Variants in KIRREL3 observed in about 807,000 individuals in gnomAD.
The protein encoded by KIRREL3 is kin of IRRE-like protein 3.
KIRREL3 carries 36 observed loss-of-function variants against 89.7 expected under a neutral mutation model. The observed-to-expected ratio is 0.40, with a 90% CI of 0.31 to 0.53. KIRREL3 has a LOEUF of 0.53. KIRREL3 is among the 20% of genes least tolerant of loss of function. KIRREL3 has a pLI of 0.49. For missense variants in KIRREL3, 864 were observed against 1,056.6 expected (o/e 0.82, Z 2.53); for synonymous variants, 445 against 441.4 (o/e 1.01, Z -0.10).
rs553043924 is a variant in KIRREL3, at chr11:126,564,344, C to T, written c.56-1432G>A. Reference sequence around the variant, plus strand: ...TAGCAGGATGAAAGAGAGTGCAGGGCCCATGAGACACAGATAAGTCAAGCT... The same window carrying T: ...TAGCAGGATGAAAGAGAGTGCAGGGTCCATGAGACACAGATAAGTCAAGCT... On this transcript the variant is annotated intron_variant, in intron 1 of 16. Transcript: ENST00000525144. This position sits in a 1 kb window ranked among gnomAD's most constrained non-coding sequence, Gnocchi z 7.4. 2.0e-5 allele frequency among the ~76,000 whole-genome samples: 3 copies of T among 152,296 alleles called. No homozygotes were observed. Among genetic ancestry groups the T allele is most frequent in the African/African-American group, 4.8e-5 (2 of 41,568 alleles).
At chr11:126,497,131 T>TGA (rs1555124144) in intron 4 of KIRREL3, among the ~76,000 whole-genome samples, 2 of 151,176 alleles carry the variant, frequency 1.3e-5, no homozygotes, top group South Asian at 2.1e-4. Flanking sequence ...TGTGTGTGTG[T>TGA]GACAGAGAGA....
At chr11:126,881,429 C>T (rs1252971449) in intron 1 of KIRREL3, among the ~76,000 whole-genome samples, 2 of 152,130 alleles carry the variant, frequency 1.3e-5, no homozygotes, top group Non-Finnish European at 2.9e-5. Flanking sequence ...AATCAGTCAG[C>T]GTCAAGCCCT....
chr11:126,766,839 C>G lies in KIRREL3; in HGVS notation c.56-203927G>C, dbSNP rs2134284186. On this transcript the variant is annotated intron_variant, in intron 1 of 16. Transcript: ENST00000525144. The surrounding 1 kb of genome is among the most constrained non-coding windows in gnomAD (Gnocchi z 4.2). ...TGCTTACAGTAATTAGTTCCTAGGGCTCCCTTGTGGAGGTAAGAGAAAGAG... is the reference window on the plus strand; with the variant it reads ...TGCTTACAGTAATTAGTTCCTAGGGGTCCCTTGTGGAGGTAAGAGAAAGAG... Among the ~76,000 whole-genome samples, 1 of 152,302 alleles carries G rather than the reference C, an allele frequency of 6.6e-6. No homozygotes were observed. Among genetic ancestry groups the G allele is most frequent in the South Asian group, 2.1e-4 (1 of 4,824 alleles).
At chr11:126,692,334 C>G (rs1458189934) in intron 1 of KIRREL3, among the ~76,000 whole-genome samples, 3 of 151,932 alleles carry the variant, frequency 2.0e-5, no homozygotes, top group Non-Finnish European at 4.4e-5. Context: ...CACTTGAGGT[C>G]AGGAGTTCGA....
In KIRREL3 at chr11:126,555,551, G is replaced by A. The variant is rs1339755288; in HGVS notation, c.133+7284C>T. Among the ~76,000 whole-genome samples the A allele has an allele frequency of 6.6e-6, 1 of 152,058 alleles. No individual in the cohort carries two copies. The highest frequency in any genetic ancestry group is 1.9e-4 in the East Asian group (1 of 5,168). ...ATTACCAGGTGAAGGGTTTGGGGAT[G>A]GGGTGAGCGTGGCAAGCAGGGTAGA... On this transcript the variant is annotated intron_variant, in intron 2 of 16. Coordinates refer to ENST00000525144, the MANE Select transcript of KIRREL3 (RefSeq NM_032531.4). The surrounding 1 kb of genome is among the most constrained non-coding windows in gnomAD (Gnocchi z 4.2).
rs759636200 is a variant in KIRREL3, at chr11:126,867,178, C to T, written c.55+133277G>A. On this transcript the variant is annotated intron_variant, in intron 1 of 16. Coordinates refer to ENST00000525144, the MANE Select transcript of KIRREL3 (RefSeq NM_032531.4). This position sits in a 1 kb window ranked among gnomAD's most constrained non-coding sequence, Gnocchi z 4.7. ...TCCCCACAATCTGCCTGTCTGCCTGCTCCCCCCAGGGGTTTGAGCAGCGGG... is the reference window on the plus strand; with the variant it reads ...TCCCCACAATCTGCCTGTCTGCCTGTTCCCCCCAGGGGTTTGAGCAGCGGG... Among the ~76,000 whole-genome samples the T allele has an allele frequency of 3.9e-4, 60 of 152,246 alleles. No individual in the cohort carries two copies. The highest frequency in any genetic ancestry group is 1.5e-4 in the Non-Finnish European group (10 of 68,038).
chr11:126,799,137 C>T (rs201025660), intron 1 of KIRREL3, among the ~76,000 whole-genome samples: 1 of 90,648 alleles, frequency 1.1e-5, no homozygotes, highest in Non-Finnish European at 2.2e-5. Flanking sequence ...TGTGCATGTA[C>T]CTGTGTGTGC....
At chr11:126,626,841 C>T (rs1218699816) in intron 1 of KIRREL3, among the ~76,000 whole-genome samples, 1 of 152,050 alleles carries the variant, frequency 6.6e-6, no homozygotes, top group African/African-American at 2.4e-5. Flanking sequence ...CCCCATGTTT[C>T]TACTAAAAAT....
Position 126,527,576 on chromosome 11 carries a change from G to T in KIRREL3, c.134-889C>A, listed in dbSNP as rs1958801290. Among the ~76,000 whole-genome samples the T allele has an allele frequency of 6.6e-6, 1 of 152,160 alleles. No homozygotes were observed. The highest frequency in any genetic ancestry group is 1.5e-5 in the Non-Finnish European group (1 of 68,026). ...AGATGGGAAAATGAGGCACAGGGAG[G>T]TGAAAAATAGTAATGGGAGCTGTGC... On this transcript the variant is annotated intron_variant, in intron 2 of 16. Coordinates refer to ENST00000525144, the MANE Select transcript of KIRREL3 (RefSeq NM_032531.4). The surrounding 1 kb of genome is among the most constrained non-coding windows in gnomAD (Gnocchi z 4.2).
At position 126,653,343 on chromosome 11, in the gene KIRREL3, G is replaced by A. The variant is rs1944984303; in HGVS notation, c.56-90431C>T. 6.6e-6 allele frequency among the ~76,000 whole-genome samples: 1 copy of A among 152,138 alleles called. No individual in the cohort carries two copies. Among genetic ancestry groups the A allele is most frequent in the Non-Finnish European group, 1.5e-5 (1 of 68,016 alleles). On this transcript the variant is annotated intron_variant, in intron 1 of 16. Transcript: ENST00000525144. This position sits in a 1 kb window ranked among gnomAD's most constrained non-coding sequence, Gnocchi z 5.4. ...GGCAGAAGAGGCACCAGCTGGACCCGCCCAGGAAGCCAAGCCCCTGTGCTG... is the reference window on the plus strand; with the variant it reads ...GGCAGAAGAGGCACCAGCTGGACCCACCCAGGAAGCCAAGCCCCTGTGCTG...
chr11:126,990,826 G>C lies in KIRREL3; in HGVS notation c.55+9629C>G, dbSNP rs989368357. On this transcript the variant is annotated intron_variant, in intron 1 of 16. Transcript: ENST00000525144. This position sits in a 1 kb window ranked among gnomAD's most constrained non-coding sequence, Gnocchi z 6.3. ...GATTTAGGGAACGCAACCACTGAGG[G>C]ATTAAGTGGTGGTTTTGCTTTCTTT... is the stretch of plus-strand genomic sequence containing the variant. Among the ~76,000 whole-genome samples the C allele has an allele frequency of 8.5e-5, 13 of 152,200 alleles. No homozygotes were observed. Among genetic ancestry groups the C allele is most frequent in the African/African-American group, 3.1e-4 (13 of 41,456 alleles).
Position 126,527,504 on chromosome 11 carries a change from T to C in KIRREL3, c.134-817A>G, listed in dbSNP as rs1171053871. On this transcript the variant is annotated intron_variant, in intron 2 of 16. Transcript: ENST00000525144. The surrounding 1 kb of genome is among the most constrained non-coding windows in gnomAD (Gnocchi z 4.2). ...TATTAGTTCATTAATATTTTCATCG[T>C]CATAACAACCTAAAAATAGTAGGCA... Among the ~76,000 whole-genome samples the C allele has an allele frequency of 6.6e-6, 1 of 152,176 alleles. No individual in the cohort carries two copies. The highest frequency in any genetic ancestry group is 1.5e-5 in the Non-Finnish European group (1 of 68,040).
rs112751087 is a variant in KIRREL3 at position 126,696,841 on chromosome 11, C to G, written c.56-133929G>C. Among the ~76,000 whole-genome samples the G allele has an allele frequency of 5.1e-4, 78 of 152,316 alleles. 1 individual carries two copies. Among genetic ancestry groups the G allele is most frequent in the African/African-American group, 1.8e-3 (76 of 41,566 alleles). Reference sequence around the variant, plus strand: ...TAGACTGTGGAATGAGGTTGACTAGCGCTTACATCCAGACACTACTGTACC... The same window carrying G: ...TAGACTGTGGAATGAGGTTGACTAGGGCTTACATCCAGACACTACTGTACC... On this transcript the variant is annotated intron_variant, in intron 1 of 16. Coordinates refer to ENST00000525144, the MANE Select transcript of KIRREL3 (RefSeq NM_032531.4). This position sits in a 1 kb window ranked among gnomAD's most constrained non-coding sequence, Gnocchi z 4.4.
chr11:126,713,995 G>A (rs1947860289), intron 1 of KIRREL3, among the ~76,000 whole-genome samples: 1 of 152,110 alleles, frequency 6.6e-6, no homozygotes, highest in Admixed American at 6.5e-5. Context: ...GGTTTTGTTG[G>A]AACACAGCCA....
intron 10 of KIRREL3, among the ~76,000 whole-genome samples, 175 bp downstream of exon 10, chr11:126,444,804 A>C (rs1411991807): frequency 1.3e-5 from 2 of 152,212 alleles, no homozygotes; most frequent in African/African-American, 4.8e-5. Flanking sequence ...TTCCTCCCTC[A>C]GCCTGGGTCT....
At chr11:126,741,501 C>A (rs370844474) in intron 1 of KIRREL3, among the ~76,000 whole-genome samples, 3 of 152,130 alleles carry the variant, frequency 2.0e-5, no homozygotes, top group Non-Finnish European at 2.9e-5. Context: ...GGAATGATTT[C>A]TTTCATCTAA....
intron 1 of KIRREL3, among the ~76,000 whole-genome samples, chr11:126,925,840 G>C (rs910291911): frequency 1.3e-5 from 2 of 152,160 alleles, no homozygotes; most frequent in Non-Finnish European, 2.9e-5. Flanking sequence ...TCCTGCCACC[G>C]CATGTCCCCA....
At chr11:126,907,776 C>T (rs73569679) in intron 1 of KIRREL3, among the ~76,000 whole-genome samples, 10,928 of 152,068 alleles carry the variant, frequency 0.072, 481 homozygotes, top group Middle Eastern at 0.12. Context: ...TGCTGCCCTG[C>T]AACCTCATCT....
intron 1 of KIRREL3, among the ~76,000 whole-genome samples, chr11:126,690,942 C>T (rs890933180): frequency 1.3e-5 from 2 of 152,178 alleles, no homozygotes; most frequent in Admixed American, 6.5e-5. Context: ...AAAGAACTTG[C>T]CTTGGTTTCT....
Sources: gnomAD v4.1 joint callset for allele counts (sites outside exome capture counted in the v4.1 genomes callset) on GRCh38, gnomAD v4.1.1 for gene constraint, Gnocchi (gnomAD v3.1) non-coding constraint, MANE v1.5 for transcripts, NCBI Gene and HGNC (gene_info 2026-07-23, HGNC 2026-07-21) for gene names.